CLTC: variants seen among roughly 807,000 people sequenced by gnomAD.
The protein encoded by CLTC is clathrin heavy chain 1.
Under a neutral mutation model 195.8 loss-of-function variants are expected in CLTC, and 16 were observed. That is an observed-to-expected ratio of 0.08 (90% CI 0.06 to 0.12). CLTC has a LOEUF of 0.12. Among genes scored for constraint, CLTC ranks in the 10% least tolerant of loss-of-function variants. The pLI is 1.00. For missense variants in CLTC, 796 were observed against 2,027.0 expected, an observed-to-expected ratio of 0.39 and a Z score of 11.66; for synonymous variants, 667 against 689.4, an observed-to-expected ratio of 0.97 and a Z score of 0.51.
At chr17:59,687,055 G>A (rs1395109438) in intron 30 of CLTC, 1 of 976,122 alleles carries the variant, frequency 1.0e-6, no homozygotes, top group African/African-American at 1.8e-5. Flanking sequence ...TTTAAGTCTG[G>A]AGGACTAAGT....
intron 1 of CLTC, among the ~76,000 whole-genome samples, chr17:59,628,471 G>A (rs2031614629): frequency 6.6e-6 from 1 of 152,066 alleles, no homozygotes; most frequent in Non-Finnish European, 1.5e-5. Flanking sequence ...TTGAATATAT[G>A]TGCCGTACTA....
In CLTC at chr17:59,664,771, CTT is replaced by C. The variant is rs2032690408; in HGVS notation, c.1522-14_1522-13del. 1 of 1,611,442 alleles carries C rather than the reference CTT, an allele frequency of 6.2e-7. No homozygotes were observed. The highest frequency in any genetic ancestry group is 1.3e-5 in the African/African-American group (1 of 74,932). On this transcript the variant is annotated splice_polypyrimidine_tract_variant and intron_variant, in intron 9 of 31. Coordinates refer to ENST00000269122, the MANE Select transcript of CLTC (RefSeq NM_004859.4). ...TGAAACTTAGGAGCAGCGTTTAAGTCTTTGTTTGTTTATAGGTTGGATACACT... is the reference window on the plus strand; with the variant it reads ...TGAAACTTAGGAGCAGCGTTTAAGTCTGTTTGTTTATAGGTTGGATACACT...
intron 14 of CLTC, among the ~76,000 whole-genome samples, chr17:59,673,151 C>T (rs2032891254): frequency 6.6e-6 from 1 of 151,856 alleles, no homozygotes; most frequent in Non-Finnish European, 1.5e-5. Flanking sequence ...TGGTCACCAT[C>T]ATGCTGCTCC....
At chr17:59,664,957 T>G in intron 10 of CLTC, 48 bp downstream of exon 10, 1 of 1,601,194 alleles carries the variant, frequency 6.2e-7, no homozygotes, top group Non-Finnish European at 8.5e-7. Context: ...AAATGGAGAG[T>G]GGGGGCCAGC....
At chr17:59,678,858 TGG>T (rs11330638) in intron 17 of CLTC, among the ~76,000 whole-genome samples, 1 of 151,804 alleles carries the variant, frequency 6.6e-6, no homozygotes, top group East Asian at 1.9e-4. Context: ...CATGATTAGC[TGG>T]GGGGAGGTGC....
intron 17 of CLTC, among the ~76,000 whole-genome samples, chr17:59,677,542 A>G (rs986812280): frequency 2.6e-5 from 4 of 152,192 alleles, no homozygotes; most frequent in Admixed American, 6.5e-5. Flanking sequence ...TTCCGAGTGT[A>G]TGGCCTAAGA....
At chr17:59,623,060 T>C (rs1256727318) in intron 1 of CLTC, among the ~76,000 whole-genome samples, 1 of 152,246 alleles carries the variant, frequency 6.6e-6, no homozygotes, top group Non-Finnish European at 1.5e-5. Flanking sequence ...CCTGTGATTC[T>C]TAATTTTTTG....
chr17:59,633,305 A>G (rs2143462439), intron 1 of CLTC, among the ~76,000 whole-genome samples: 1 of 152,286 alleles, frequency 6.6e-6, no homozygotes, highest in South Asian at 2.1e-4. Context: ...AGCCTGGCCA[A>G]CATGGTGAAA....
chr17:59,682,936 A>G lies in CLTC; in HGVS notation c.3795A>G (p.Glu1265=). Reference sequence around the variant, plus strand: ...GCTTCGCCTGTGTAGATGGGAAAGAATTCCGTCTTGCTCAGATGTGTGGAC... The same window carrying G: ...GCTTCGCCTGTGTAGATGGGAAAGAGTTCCGTCTTGCTCAGATGTGTGGAC... ...EVCFACVDGK[E]FRLAQMCGLH... The change falls in exon 24 of 32, where the codon GAA becomes GAG. Residue 1265 remains glutamate, a synonymous_variant. Transcript: ENST00000269122. This position sits in a 1 kb window ranked among gnomAD's most constrained non-coding sequence, Gnocchi z 6.8. The G allele has an allele frequency of 6.2e-7, 1 of 1,612,770 alleles. No homozygotes were observed. Among genetic ancestry groups the G allele is most frequent in the Non-Finnish European group, 8.5e-7 (1 of 1,179,696 alleles).
intron 17 of CLTC, among the ~76,000 whole-genome samples, chr17:59,679,088 G>A (rs1555606871): frequency 6.6e-6 from 1 of 152,136 alleles, no homozygotes; most frequent in Non-Finnish European, 1.5e-5. Context: ...TTACATTTAT[G>A]TACATACATA....
intron 6 of CLTC, among the ~76,000 whole-genome samples, chr17:59,659,969 T>C (rs2032571912): frequency 6.6e-6 from 1 of 152,328 alleles, no homozygotes; most frequent in South Asian, 2.1e-4. Flanking sequence ...TCATAGCTTC[T>C]TCAGTGTCAT....
intron 6 of CLTC, among the ~76,000 whole-genome samples, chr17:59,656,983 T>C (rs1447487524): frequency 6.6e-6 from 1 of 152,164 alleles, no homozygotes; most frequent in Non-Finnish European, 1.5e-5. Context: ...ATTTTAATAT[T>C]AATAAGAATA....
intron 8 of CLTC, 79 bp downstream of exon 8, chr17:59,661,722 C>A: frequency 8.4e-7 from 1 of 1,184,210 alleles, no homozygotes; most frequent in Non-Finnish European, 1.2e-6. Flanking sequence ...ATTTAGGCTG[C>A]ACCACAATGT....
chr17:59,676,481 G>A (rs1166863959), intron 16 of CLTC, among the ~76,000 whole-genome samples: 1 of 152,198 alleles, frequency 6.6e-6, no homozygotes, highest in African/African-American at 2.4e-5. Context: ...TAGATATTTT[G>A]TGTGTTATAA....
At position 59,691,650 on chromosome 17, in the gene CLTC, C is replaced by CAT. The variant is rs1269957302; in HGVS notation, c.4903+953_4903+954dup. On this transcript the variant is annotated intron_variant, in intron 31 of 31. Transcript: ENST00000269122. ...AAAAAAAAATATATATATATATATA[C>CAT]ATATATATATATATAACCATTATAT... 1.7e-3 allele frequency among the ~76,000 whole-genome samples: 242 copies of CAT among 140,618 alleles called. No individual in the cohort carries two copies. In the East Asian group the frequency reaches 0.026, roughly 15 times the overall value. 92.3% of individuals were successfully genotyped at this position (140,618 alleles called of 152,430 possible). A position where few individuals can be genotyped will look rare whatever the true frequency, so the allele number is the denominator to read the frequency against.
Position 59,672,511 on chromosome 17 carries a change from GCAGA to G in CLTC, c.2293-1131_2293-1128del, listed in dbSNP as rs1312988143. Among the ~76,000 whole-genome samples the G allele has an allele frequency of 7.9e-5, 12 of 152,236 alleles. No individual in the cohort carries two copies. In the East Asian group the frequency reaches 2.3e-3, roughly 29 times the overall value. Reference sequence around the variant, plus strand: ...TACTAAAATTTTTACATAGATAGATGCAGACAGATTCTAGAAATGATCGTAACAG... The same window carrying G: ...TACTAAAATTTTTACATAGATAGATGCAGATTCTAGAAATGATCGTAACAG... On this transcript the variant is annotated intron_variant, in intron 14 of 31. Coordinates refer to ENST00000269122, the MANE Select transcript of CLTC (RefSeq NM_004859.4).
intron 1 of CLTC, among the ~76,000 whole-genome samples, chr17:59,621,401 G>A (rs959470455): frequency 1.3e-5 from 2 of 152,212 alleles, no homozygotes; most frequent in Non-Finnish European, 2.9e-5. Context: ...ACATGACACT[G>A]ATATCAGTGA....
intron 1 of CLTC, among the ~76,000 whole-genome samples, chr17:59,639,195 G>A (rs1486670951): frequency 6.6e-6 from 1 of 152,148 alleles, no homozygotes; most frequent in African/African-American, 2.4e-5. Context: ...GGAAAAGGGC[G>A]GAGGAAATAC....
In CLTC at chr17:59,696,324, T is replaced by TTTAG. The variant is rs2033423484; in HGVS notation, c.*2474_*2477dup. The TTTAG allele has an allele frequency of 4.5e-6, 1 of 221,130 alleles. No homozygotes were observed. Among genetic ancestry groups the TTTAG allele is most frequent in the African/African-American group, 2.2e-5 (1 of 44,624 alleles). 13.7% of individuals were successfully genotyped at this position (221,130 alleles called of 1,614,324 possible). A position where few individuals can be genotyped will look rare whatever the true frequency, so the allele number is the denominator to read the frequency against. ...AAATATTAGAAATTTCAAGGCTGTCTTTAGTGTTCTGCCCACAATACTCCA... is the reference window on the plus strand; with the variant it reads ...AAATATTAGAAATTTCAAGGCTGTCTTTAGTTAGTGTTCTGCCCACAATACTCCA... On this transcript the variant is annotated 3_prime_UTR_variant, in exon 32 of 32. Coordinates refer to ENST00000269122, the MANE Select transcript of CLTC (RefSeq NM_004859.4).
Sources: allele counts gnomAD v4.1 joint callset (sites outside exome capture counted in the v4.1 genomes callset), GRCh38; gene constraint gnomAD v4.1.1; non-coding constraint Gnocchi (gnomAD v3.1); transcripts MANE v1.5; gene names NCBI Gene and HGNC (gene_info 2026-07-23, HGNC 2026-07-21).